Variants in LTBP1 observed in about 807,000 individuals in gnomAD.
The protein encoded by LTBP1 is latent transforming growth factor beta binding protein 1, also known as latent-transforming growth factor beta-binding protein 1.
In LTBP1, 129 loss-of-function variants were observed where a neutral mutation model predicts 207.6. The observed-to-expected ratio is 0.62, with a 90% CI of 0.54 to 0.72. The LOEUF is 0.72. LTBP1 is among the 30% of genes least tolerant of loss of function. The pLI is 0.00. For missense variants in LTBP1, 2,281 were observed against 2,217.2 expected (o/e 1.03, Z -0.58); for synonymous variants, 963 against 833.7 (o/e 1.16, Z -2.67).
intron 3 of LTBP1, among the ~76,000 whole-genome samples, chr2:33,095,459 C>A (rs2079332414): frequency 1.3e-5 from 2 of 152,258 alleles, no homozygotes; most frequent in South Asian, 4.1e-4. Flanking sequence ...GAGTTTGAAT[C>A]TAGCCAAGTA....
chr2:33,352,176 G>A (rs2094790649), intron 26 of LTBP1, among the ~76,000 whole-genome samples: 1 of 151,960 alleles, frequency 6.6e-6, no homozygotes, highest in South Asian at 2.1e-4. Flanking sequence ...CTGTCACCCA[G>A]GCTGGAGTGC....
chr2:33,256,434 G>A (rs1272771407), intron 11 of LTBP1, among the ~76,000 whole-genome samples: 2 of 151,912 alleles, frequency 1.3e-5, no homozygotes, highest in Middle Eastern at 3.2e-3. Flanking sequence ...TCAACTGGAA[G>A]CAAACTGTGA....
At chr2:33,211,264 A>C (rs933973595) in intron 7 of LTBP1, among the ~76,000 whole-genome samples, 11 of 152,112 alleles carry the variant, frequency 7.2e-5, no homozygotes, top group African/African-American at 2.7e-4. Flanking sequence ...GAGTTTATCA[A>C]ATGGCTAGTA....
intron 2 of LTBP1, among the ~76,000 whole-genome samples, chr2:32,976,157 C>T (rs1008194090): frequency 6.6e-6 from 1 of 152,178 alleles, no homozygotes; most frequent in African/African-American, 2.4e-5. Flanking sequence ...CAGTTGACTA[C>T]TATGCTGTGT....
rs1290235474 is a variant in LTBP1 at position 33,188,823 on chromosome 2, G to A, written c.1673G>A (p.Arg558Gln). Reference sequence around the variant, plus strand: ...GTGGCTGCTAAGACACAGCTTGGCCGGTGCTTCCAGGAAACCATTGGGTCA... The same window carrying A: ...GTGGCTGCTAAGACACAGCTTGGCCAGTGCTTCCAGGAAACCATTGGGTCA... The part of the protein sequence containing the change: ...YPVAAKTQLG[R>Q]CFQETIGSQC... Residue 558 changes from arginine (R) to glutamine (Q), a missense_variant, in exon 7 of 34, where the codon CGG becomes CAG. Transcript: ENST00000404816. 2.5e-6 allele frequency: 4 copies of A among 1,613,954 alleles called. No homozygotes were observed. Among genetic ancestry groups the A allele is most frequent in the African/African-American group, 1.3e-5 (1 of 74,884 alleles).
At chr2:33,126,573 C>T (rs760367492) in intron 4 of LTBP1, among the ~76,000 whole-genome samples, 41 of 152,326 alleles carry the variant, frequency 2.7e-4, no homozygotes, top group Middle Eastern at 3.4e-3. Context: ...AATTAGCTGA[C>T]AGCTGGAAAA....
At chr2:33,056,303 G>A (rs996715456) in intron 3 of LTBP1, 14 of 834,634 alleles carry the variant, frequency 1.7e-5, no homozygotes, top group African/African-American at 1.2e-4. Flanking sequence ...AGACAAAACC[G>A]CCTGCAGTTT....
At chr2:32,951,436 T>G (rs1182956496) in intron 2 of LTBP1, among the ~76,000 whole-genome samples, 1 of 152,228 alleles carries the variant, frequency 6.6e-6, no homozygotes, top group Non-Finnish European at 1.5e-5. Context: ...TGCATGTGTC[T>G]GGGAGATCCA....
intron 5 of LTBP1, among the ~76,000 whole-genome samples, chr2:33,170,332 A>G (rs1210578290): frequency 2.0e-5 from 3 of 151,856 alleles, no homozygotes; most frequent in African/African-American, 4.8e-5. Flanking sequence ...GGCTTAAAAA[A>G]CGGCGCACCA....
At chr2:33,376,314 C>T (rs974133809) in intron 31 of LTBP1, among the ~76,000 whole-genome samples, 5 of 152,220 alleles carry the variant, frequency 3.3e-5, no homozygotes, top group African/African-American at 4.8e-5. Context: ...TTCTCTTAGG[C>T]ACTAACACAT....
chr2:33,339,542 A>G (rs1044523137), intron 24 of LTBP1, among the ~76,000 whole-genome samples: 2 of 152,200 alleles, frequency 1.3e-5, no homozygotes, highest in African/African-American at 4.8e-5. Context: ...TCTCAGCCTC[A>G]TGCTGACATT....
At chr2:33,067,725 C>CT (rs2149706696) in intron 3 of LTBP1, among the ~76,000 whole-genome samples, 1 of 152,212 alleles carries the variant, frequency 6.6e-6, no homozygotes, top group East Asian at 1.9e-4. Context: ...GAAGCAAATA[C>CT]TATGACATTT....
At chr2:33,388,666 A>G (rs1419531754) in intron 31 of LTBP1, among the ~76,000 whole-genome samples, 1 of 152,188 alleles carries the variant, frequency 6.6e-6, no homozygotes, top group Non-Finnish European at 1.5e-5. Context: ...TGCTATCCAT[A>G]GAGACTGTAG....
At chr2:32,974,988 A>C (rs6708511) in intron 2 of LTBP1, among the ~76,000 whole-genome samples, 4,783 of 152,224 alleles carry the variant, frequency 0.031, 247 homozygotes, top group African/African-American at 0.11. Context: ...CTGTGTACTT[A>C]AGTGTGTTTT....
intron 15 of LTBP1, among the ~76,000 whole-genome samples, chr2:33,268,616 A>G (rs1385814584): frequency 2.0e-5 from 3 of 152,258 alleles, no homozygotes; most frequent in Admixed American, 6.5e-5. Flanking sequence ...ATGTTTCAGC[A>G]TATAAATTCT....
At chr2:33,020,721 A>G (rs1426353915) in intron 2 of LTBP1, among the ~76,000 whole-genome samples, 188 bp from the exon 3 acceptor site, 1 of 152,222 alleles carries the variant, frequency 6.6e-6, no homozygotes, top group African/African-American at 2.4e-5. Flanking sequence ...TGCCTGTCAC[A>G]TAGGAAGCCA....
chr2:32,994,483 T>G (rs1684939845), intron 2 of LTBP1, among the ~76,000 whole-genome samples: 1 of 151,788 alleles, frequency 6.6e-6, no homozygotes, highest in Admixed American at 6.6e-5. Flanking sequence ...TTTTTTTTTT[T>G]GAGATAGAGT....
rs1371756219 is a variant in LTBP1, at chr2:33,274,996, C to G, written c.2775C>G (p.Leu925=). The change falls in exon 17 of 34, where the codon CTC becomes CTG. Residue 925 remains leucine (L), a synonymous_variant. Transcript: ENST00000404816. ...ATGAGTGTACTCAGGTCCAACACCT[C>G]TGCTCCCAGGGCCGCTGTGAAAACA... is the stretch of plus-strand genomic sequence containing the variant. ...DIDECTQVQH[L]CSQGRCENTE... The G allele has an allele frequency of 1.7e-5, 27 of 1,613,976 alleles. No homozygotes were observed. The highest frequency in any genetic ancestry group is 2.3e-5 in the Non-Finnish European group (27 of 1,179,974).
At chr2:33,377,764 T>A (rs1475089185) in intron 31 of LTBP1, among the ~76,000 whole-genome samples, 2 of 152,178 alleles carry the variant, frequency 1.3e-5, no homozygotes, top group Non-Finnish European at 2.9e-5. Flanking sequence ...AAAGAACAGT[T>A]CTTCATGGCT....
Sources: allele counts gnomAD v4.1 joint callset (sites outside exome capture counted in the v4.1 genomes callset), GRCh38; gene constraint gnomAD v4.1.1; transcripts MANE v1.5; gene names NCBI Gene and HGNC (gene_info 2026-07-23, HGNC 2026-07-21).